Variants in CAMK1D observed in about 807,000 individuals in gnomAD.
CAMK1D encodes the protein calcium/calmodulin dependent protein kinase ID.
CAMK1D carries 9 observed loss-of-function variants against 47.7 expected under a neutral mutation model. That is an observed-to-expected ratio of 0.19 (90% CI 0.11 to 0.33). CAMK1D has a LOEUF of 0.33. Among genes scored for constraint, CAMK1D ranks in the 10% least tolerant of loss-of-function variants. CAMK1D has a pLI of 1.00. For synonymous variants in CAMK1D, 184 were observed against 184.9 expected (o/e 0.99, Z 0.04); for missense variants, 291 against 488.7 (o/e 0.60, Z 3.81).
chr10:12,598,782 C>T (rs1023391749), intron 2 of CAMK1D, among the ~76,000 whole-genome samples: 1 of 152,156 alleles, frequency 6.6e-6, no homozygotes, highest in Non-Finnish European at 1.5e-5. Flanking sequence ...TAAACGAATA[C>T]GGGTCAACCT....
intron 5 of CAMK1D, among the ~76,000 whole-genome samples, chr10:12,780,511 G>T (rs1001528837): frequency 6.6e-6 from 1 of 152,162 alleles, no homozygotes; most frequent in African/African-American, 2.4e-5. Context: ...CATTGTTCCT[G>T]TCTTCACTCC....
intron 6 of CAMK1D, among the ~76,000 whole-genome samples, chr10:12,798,931 C>T (rs920939488): frequency 2.6e-5 from 4 of 152,250 alleles, no homozygotes; most frequent in Admixed American, 2.6e-4. Flanking sequence ...AGGACAGGAG[C>T]AGGGCATAGA....
chr10:12,594,390 T>C (rs919128360), intron 2 of CAMK1D, among the ~76,000 whole-genome samples: 1 of 152,246 alleles, frequency 6.6e-6, no homozygotes, highest in East Asian at 1.9e-4. Flanking sequence ...ATAGGTGTGA[T>C]CCTTGTTTTT....
chr10:12,806,638 G>A (rs1480006565), intron 6 of CAMK1D, among the ~76,000 whole-genome samples: 1 of 152,148 alleles, frequency 6.6e-6, no homozygotes, highest in Non-Finnish European at 1.5e-5. Flanking sequence ...TCCTTCTCCC[G>A]AGCTCCACCC....
chr10:12,552,239 C>T (rs1055819311), intron 1 of CAMK1D, among the ~76,000 whole-genome samples: 1 of 152,220 alleles, frequency 6.6e-6, no homozygotes, highest in African/African-American at 2.4e-5. Flanking sequence ...GTTTGTTGCT[C>T]TGCCGTTGCA....
chr10:12,732,543 G>A (rs541869664), intron 3 of CAMK1D, among the ~76,000 whole-genome samples: 1 of 152,204 alleles, frequency 6.6e-6, no homozygotes, highest in South Asian at 2.1e-4. Context: ...TTACGTGGTG[G>A]CCGCAAGAGA....
At chr10:12,368,198 CAAAA>C (rs759817546) in intron 1 of CAMK1D, among the ~76,000 whole-genome samples, 1 of 89,940 alleles carries the variant, frequency 1.1e-5, no homozygotes, top group Non-Finnish European at 2.3e-5. Flanking sequence ...GACTCCGTCT[CAAAA>C]AAAAAAAAAA....
Position 12,810,151 on chromosome 10 carries a change from T to TAAAAA in CAMK1D, c.642-4031_642-4027dup, listed in dbSNP as rs749675063. On this transcript the variant is annotated intron_variant, in intron 6 of 10. Transcript: ENST00000619168. Reference sequence around the variant, plus strand: ...GTGACAGAGAGAGACCCTGTCTCATTAAAAAAAAAAAAAAAAAGGCGTTAG... The same window carrying TAAAAA: ...GTGACAGAGAGAGACCCTGTCTCATTAAAAAAAAAAAAAAAAAAAAAAGGCGTTAG... 6.3e-4 allele frequency among the ~76,000 whole-genome samples: 51 copies of TAAAAA among 81,414 alleles called. 2 individuals are homozygous for TAAAAA. The highest frequency in any genetic ancestry group is 2.6e-3 in the African/African-American group (42 of 16,328). 53.4% of individuals were successfully genotyped at this position (81,414 alleles called of 152,430 possible). A position where few individuals can be genotyped will look rare whatever the true frequency, so the allele number is the denominator to read the frequency against.
At chr10:12,682,986 A>G (rs1390111668) in intron 3 of CAMK1D, among the ~76,000 whole-genome samples, 2 of 151,912 alleles carry the variant, frequency 1.3e-5, no homozygotes, top group African/African-American at 4.8e-5. Flanking sequence ...CAATGGTGCA[A>G]TCTCGGCTCA....
intron 1 of CAMK1D, among the ~76,000 whole-genome samples, chr10:12,471,273 A>G (rs977444445): frequency 5.9e-5 from 9 of 152,200 alleles, no homozygotes; most frequent in African/African-American, 1.7e-4. Context: ...GTCTGGATCA[A>G]TGTGTCTGGG....
intron 1 of CAMK1D, among the ~76,000 whole-genome samples, chr10:12,365,987 C>A (rs1009830655): frequency 3.9e-5 from 6 of 152,172 alleles, no homozygotes; most frequent in Non-Finnish European, 5.9e-5. Flanking sequence ...ACCTGGGAGC[C>A]GGAGGCTGCA....
At chr10:12,408,848 C>CTTTTTTTTTTTTTTTT (rs113921067) in intron 1 of CAMK1D, among the ~76,000 whole-genome samples, 18 of 121,868 alleles carry the variant, frequency 1.5e-4, no homozygotes, top group South Asian at 2.7e-4. Context: ...TTCTTTCTTT[C>CTTTTTTTTTTTTTTTT]TTTTTTTTTT....
chr10:12,814,340 G>A, intron 7 of CAMK1D, 33 bp downstream of exon 7: 3 of 1,412,690 alleles, frequency 2.1e-6, no homozygotes, highest in Non-Finnish European at 3.0e-6. Flanking sequence ...CCAGTGGGCG[G>A]CCCCCGCGAC....
intron 1 of CAMK1D, among the ~76,000 whole-genome samples, chr10:12,425,658 C>G (rs1298728315): frequency 6.6e-6 from 1 of 152,204 alleles, no homozygotes; most frequent in African/African-American, 2.4e-5. Context: ...ATCCGAATTG[C>G]TTATTTATCC....
intron 3 of CAMK1D, among the ~76,000 whole-genome samples, chr10:12,750,198 A>G (rs1310923957): frequency 6.6e-6 from 1 of 152,146 alleles, no homozygotes; most frequent in Non-Finnish European, 1.5e-5. Flanking sequence ...GGCGCTGAGT[A>G]TGTGTGTTTT....
intron 2 of CAMK1D, among the ~76,000 whole-genome samples, chr10:12,631,285 A>G (rs916915270): frequency 6.6e-6 from 1 of 152,220 alleles, no homozygotes; most frequent in African/African-American, 2.4e-5. Context: ...TAAGATTGCT[A>G]TCCACTATTA....
At chr10:12,743,365 AAG>A (rs1236457010) in intron 3 of CAMK1D, among the ~76,000 whole-genome samples, 6 of 151,404 alleles carry the variant, frequency 4.0e-5, no homozygotes, top group Non-Finnish European at 5.9e-5. Flanking sequence ...AAAAAGAAAA[AAG>A]AAAAAAAGAA....
intron 3 of CAMK1D, among the ~76,000 whole-genome samples, chr10:12,745,425 G>A (rs1465213850): frequency 2.0e-5 from 3 of 151,942 alleles, no homozygotes; most frequent in African/African-American, 7.3e-5. Flanking sequence ...ACACACACAC[G>A]CTAGAATACT....
intron 1 of CAMK1D, among the ~76,000 whole-genome samples, chr10:12,425,283 TC>T (rs1183253388): frequency 6.7e-6 from 1 of 149,828 alleles, no homozygotes; most frequent in Non-Finnish European, 1.5e-5. Flanking sequence ...TTTCTTTCTT[TC>T]TTTTTTTTTT....
Sources: gnomAD v4.1 joint callset for allele counts (sites outside exome capture counted in the v4.1 genomes callset) on GRCh38, gnomAD v4.1.1 for gene constraint, MANE v1.5 for transcripts, NCBI Gene and HGNC (gene_info 2026-07-23, HGNC 2026-07-21) for gene names.